NCAN: variants seen among roughly 807,000 people sequenced by gnomAD.
The protein encoded by NCAN is neurocan core protein.
In NCAN, 47 loss-of-function variants were observed where a neutral mutation model predicts 121.8. The observed-to-expected ratio is 0.39, with a 90% CI of 0.31 to 0.49. The LOEUF (loss-of-function observed/expected upper bound fraction) is 0.49, where lower values mean the gene tolerates loss of function less well. Ranked by LOEUF, NCAN falls within the 20% of genes least tolerant of loss-of-function variation. NCAN has a pLI of 0.92. For missense variants in NCAN, 1,517 were observed against 1,773.4 expected (o/e 0.86, Z 2.60); for synonymous variants, 633 against 702.0 (o/e 0.90, Z 1.55).
chr19:19,231,424 G>A (rs1225802496), intron 8 of NCAN, among the ~76,000 whole-genome samples: 2 of 151,738 alleles, frequency 1.3e-5, no homozygotes, highest in African/African-American at 4.8e-5. Flanking sequence ...CGCCTCCCAG[G>A]TTCAAGTGAT....
At chr19:19,245,970 CCAACA>C (rs2060923036) in intron 13 of NCAN, among the ~76,000 whole-genome samples, 2 of 151,652 alleles carry the variant, frequency 1.3e-5, no homozygotes, top group African/African-American at 4.8e-5. Flanking sequence ...GCCTGTAATC[CCAACA>C]CTTTGGGAGG....
At chr19:19,220,450 CTTTTTTT>C (rs71170607) in intron 3 of NCAN, among the ~76,000 whole-genome samples, 121 of 72,710 alleles carry the variant, frequency 1.7e-3, no homozygotes, top group African/African-American at 6.5e-3. Context: ...TTAGGCAATT[CTTTTTTT>C]TTTTTTTTTT....
At chr19:19,221,588 A>G (rs2060817023) in intron 3 of NCAN, among the ~76,000 whole-genome samples, 1 of 152,072 alleles carries the variant, frequency 6.6e-6, no homozygotes, top group Non-Finnish European at 1.5e-5. Context: ...AATAATAATA[A>G]TAATACAACT....
chr19:19,245,828 A>G (rs2060922513), intron 13 of NCAN, among the ~76,000 whole-genome samples: 1 of 151,566 alleles, frequency 6.6e-6, no homozygotes, highest in Non-Finnish European at 1.5e-5. Context: ...AAATTTAGAG[A>G]CAAGAAGTAG....
At position 19,229,752 on chromosome 19, in the gene NCAN, GT is replaced by G. The variant is rs908200836; in HGVS notation, c.3019+1119del. 7.2e-5 allele frequency among the ~76,000 whole-genome samples: 11 copies of G among 152,214 alleles called. No individual in the cohort carries two copies. The South Asian group carries it at 8.3e-4, about 11-fold the overall frequency. Reference sequence around the variant, plus strand: ...CTTAGGTTCTGCCAAATTAAGCTGAGTTTTTTGGCCAAATGAAATTTAGAAA... The same window carrying G: ...CTTAGGTTCTGCCAAATTAAGCTGAGTTTTTGGCCAAATGAAATTTAGAAA... On this transcript the variant is annotated intron_variant, in intron 8 of 14. Transcript: ENST00000252575.
intron 11 of NCAN, 103 bp from the exon 12 acceptor site, chr19:19,240,500 G>A: frequency 1.8e-6 from 2 of 1,093,710 alleles, no homozygotes; most frequent in Non-Finnish European, 1.4e-6. Flanking sequence ...GGAAGGTGAG[G>A]AATTCTTTCC....
Position 19,227,173 on chromosome 19 carries a change from T to G in NCAN, c.1660+100T>G. ...TCAGAATGAGGGAGGAAGCTCCAAA[T>G]CCCAGCTGGGTCCTCTGGCCCCAGA... On this transcript the variant is annotated intron_variant, in intron 7 of 14. Transcript: ENST00000252575. This position sits in a 1 kb window ranked among gnomAD's most constrained non-coding sequence, Gnocchi z 4.2. The G allele has an allele frequency of 2.0e-6, 3 of 1,491,752 alleles. No individual in the cohort carries two copies. The allele number at this position is 1,491,752 out of a possible 1,614,324, so 92.4% of individuals were successfully genotyped here.
chr19:19,230,403 A>ATTTTTTT (rs5827436), intron 8 of NCAN, among the ~76,000 whole-genome samples: 1 of 118,478 alleles, frequency 8.4e-6, no homozygotes, highest in Non-Finnish European at 1.6e-5. Context: ...CCACCCCCAA[A>ATTTTTTT]TTTTTTTTTT....
rs371297508 is a variant in NCAN, at chr19:19,228,189, A to G, written c.2569A>G (p.Thr857Ala). Residue 857 changes from threonine to alanine, a missense_variant, in exon 8 of 15, where the codon ACC becomes GCC. Thr to Ala is a moderately conservative substitution (Grantham distance 58, BLOSUM62 0). Transcript: ENST00000252575. ...CCAGGTGTTTGAAGAAGCCGAAAGC[A>G]CCACCTTGAGCCCTCAGGTGGCCCT... ...GSQVFEEAES[T>A]TLSPQVALDT... 174 of 1,613,760 alleles carry G rather than the reference A, an allele frequency of 1.1e-4. No individual in the cohort carries two copies. Among genetic ancestry groups the G allele is most frequent in the Non-Finnish European group, 1.3e-4 (159 of 1,180,026 alleles).
At chr19:19,230,595 T>C (rs1303309910) in intron 8 of NCAN, among the ~76,000 whole-genome samples, 4 of 140,150 alleles carry the variant, frequency 2.9e-5, no homozygotes, top group Non-Finnish European at 6.4e-5. Context: ...TAGACAGGGT[T>C]TTGCCATGTT....
At chr19:19,234,348 G>A (rs970580651) in intron 9 of NCAN, among the ~76,000 whole-genome samples, 3 of 152,174 alleles carry the variant, frequency 2.0e-5, no homozygotes, top group Non-Finnish European at 4.4e-5. Flanking sequence ...AGCTCTATGT[G>A]TCATCTTGAC....
rs2060944579 is a variant in NCAN at position 19,251,056 on chromosome 19, GC to G, written c.*1146del. On this transcript the variant is annotated 3_prime_UTR_variant, in exon 15 of 15. Transcript: ENST00000252575. ...CACCTTGCCTTCCTCCCCCAAATGT[GC>G]AACCTGTAAAAGGTCTCTCCACACC... The G allele has an allele frequency of 6.6e-6, 1 of 152,156 alleles. No homozygotes were observed. Among genetic ancestry groups the G allele is most frequent in the Non-Finnish European group, 1.5e-5 (1 of 68,048 alleles). The allele number at this position is 152,156 out of a possible 1,614,324, so 9.4% of individuals were successfully genotyped here.
chr19:19,246,334 C>T (rs1230711102), intron 13 of NCAN, among the ~76,000 whole-genome samples: 6 of 152,072 alleles, frequency 3.9e-5, no homozygotes, highest in Non-Finnish European at 8.8e-5. Flanking sequence ...CACTGCACCT[C>T]GCCTTCATCT....
At chr19:19,234,019 A>C in intron 9 of NCAN, 114 bp downstream of exon 9, 1 of 675,190 alleles carries the variant, frequency 1.5e-6, no homozygotes, top group Non-Finnish European at 2.6e-6. Flanking sequence ...CTGGTTTCAG[A>C]TGCTCCATTC....
chr19:19,219,326 G>A lies in NCAN; in HGVS notation c.475+10G>A, dbSNP rs375441509. The A allele has an allele frequency of 4.7e-6, 7 of 1,505,070 alleles. No individual in the cohort carries two copies. The African/African-American group carries it at 8.3e-5, about 18-fold the overall frequency. The allele number at this position is 1,505,070 out of a possible 1,614,324, so 93.2% of individuals were successfully genotyped here. A position where few individuals can be genotyped will look rare whatever the true frequency, so the allele number is the denominator to read the frequency against. On this transcript the variant is annotated intron_variant, in intron 3 of 14. Transcript: ENST00000252575. ...CCCTTGGAGGTGACAGGTCAGTTGG[G>A]GGCAAAGGAGGGGCCGGGGGCCGGG...
In NCAN at chr19:19,228,004, C is replaced by G. The variant is rs2060844259; in HGVS notation, c.2384C>G (p.Pro795Arg). Reference protein sequence around the residue: ...VYSKGLDASSPSAPLGSPGVF... With the variant: ...VYSKGLDASSRSAPLGSPGVF... ...AGCAAAGGGCTGGATGCAAGTTCCC[C>G]ATCTGCCCCCCTGGGGAGCCCTGGA... The change falls in exon 8 of 15, where the codon CCA becomes CGA. Residue 795 changes from proline (P) to arginine (R), a missense_variant. Physicochemically the swap from Pro to Arg is moderately radical, Grantham distance 103 (BLOSUM62 -2). Transcript: ENST00000252575. 2 of 1,613,484 alleles carry G rather than the reference C, an allele frequency of 1.2e-6. No homozygotes were observed. The highest frequency in any genetic ancestry group is 1.3e-5 in the African/African-American group (1 of 75,034).
Position 19,227,366 on chromosome 19 carries a change from C to T in NCAN, c.1746C>T (p.Ala582=), listed in dbSNP as rs756438427. Reference sequence around the variant, plus strand: ...CCAGCATCTCAGGCCACAGCAGGGCCCCTGTCCTGGAGCTAGAGAAAGCCG... The same window carrying T: ...CCAGCATCTCAGGCCACAGCAGGGCTCCTGTCCTGGAGCTAGAGAAAGCCG... ...VPPSISGHSR[A]PVLELEKAEG... is the part of the protein sequence containing the mutation. Residue 582 remains alanine, a synonymous_variant, in exon 8 of 15, where the codon GCC becomes GCT. Transcript: ENST00000252575. This position sits in a 1 kb window ranked among gnomAD's most constrained non-coding sequence, Gnocchi z 4.2. 9 of 1,613,324 alleles carry T rather than the reference C, an allele frequency of 5.6e-6. No individual in the cohort carries two copies. Among genetic ancestry groups the T allele is most frequent in the African/African-American group, 4.0e-5 (3 of 74,900 alleles).
At chr19:19,231,488 C>A (rs563703403) in intron 8 of NCAN, among the ~76,000 whole-genome samples, 1 of 152,138 alleles carries the variant, frequency 6.6e-6, no homozygotes, top group African/African-American at 2.4e-5. Flanking sequence ...ACCACCATGT[C>A]TGGCTAATTT....
At position 19,245,429 on chromosome 19, in the gene NCAN, C is replaced by G; in HGVS notation, c.3609C>G (p.Asn1203Lys). Residue 1203 changes from asparagine to lysine, a missense_variant, in exon 13 of 15, where the codon AAC becomes AAG. By Grantham distance (94) the Asn-to-Lys change is moderately conservative (BLOSUM62 0). Coordinates refer to ENST00000252575, the MANE Select transcript of NCAN (RefSeq NM_004386.3). ...GGAACGATGTCCCCTGCAACTACAA[C>G]CTACCCTATGTCTGCAAGAAGGGCA... Reference protein sequence around the residue: ...GRWNDVPCNYNLPYVCKKGTV... With the variant: ...GRWNDVPCNYKLPYVCKKGTV... The G allele has an allele frequency of 6.2e-7, 1 of 1,614,216 alleles. No individual in the cohort carries two copies. The highest frequency in any genetic ancestry group is 8.5e-7 in the Non-Finnish European group (1 of 1,180,020).
Sources: gnomAD v4.1 joint callset for allele counts (sites outside exome capture counted in the v4.1 genomes callset) on GRCh38, gnomAD v4.1.1 for gene constraint, Gnocchi (gnomAD v3.1) non-coding constraint, MANE v1.5 for transcripts, NCBI Gene and HGNC (gene_info 2026-07-23, HGNC 2026-07-21) for gene names.